The following DPP4 variants were observed in gnomAD, a reference collection of about 807,000 sequenced individuals.
DPP4 encodes the protein dipeptidyl peptidase 4.
A neutral mutation model predicts 122.4 loss-of-function variants in DPP4; 93 were observed. That is an observed-to-expected ratio of 0.76 (90% CI 0.64 to 0.90). The LOEUF is 0.90. Among genes scored for constraint, DPP4 ranks in the 40% least tolerant of loss-of-function variants. The pLI, the probability that DPP4 is intolerant of heterozygous loss-of-function variation, is 0.00. For missense variants in DPP4, 914 were observed against 907.3 expected (o/e 1.01, Z -0.09); for synonymous variants, 321 against 302.9 (o/e 1.06, Z -0.62).
rs562286470 is a variant in DPP4 at position 161,992,521 on chromosome 2, C to T, written c.*762G>A. ...TCTCAGTTTCAAGCTGCCTCTTTCA[C>T]TAGGAACATCAGTATTTTTTTTTAA... On this transcript the variant is annotated 3_prime_UTR_variant, in exon 26 of 26. Coordinates refer to ENST00000360534, the MANE Select transcript of DPP4 (RefSeq NM_001935.4). 6.5e-6 allele frequency: 1 copy of T among 152,758 alleles called. No homozygotes were observed. The highest frequency in any genetic ancestry group is 1.9e-4 in the East Asian group (1 of 5,182). The allele number at this position is 152,758 out of a possible 1,614,324, so 9.5% of individuals were successfully genotyped here.
chr2:162,010,107 CTAAGT>C (rs1219358901), intron 20 of DPP4, among the ~76,000 whole-genome samples: 1 of 151,994 alleles, frequency 6.6e-6, no homozygotes, highest in East Asian at 1.9e-4. Flanking sequence ...CTAGGTTGCC[CTAAGT>C]TAAGCAGTGC....
At chr2:162,010,648 G>A (rs1011194542) in intron 20 of DPP4, among the ~76,000 whole-genome samples, 2 of 152,120 alleles carry the variant, frequency 1.3e-5, no homozygotes, top group Admixed American at 6.6e-5. Context: ...ATAGAGGAGC[G>A]ATCTGGATAG....
At chr2:162,034,058 T>TTTTG (rs1683675509) in intron 9 of DPP4, among the ~76,000 whole-genome samples, 2 of 151,966 alleles carry the variant, frequency 1.3e-5, no homozygotes, top group African/African-American at 4.8e-5. Context: ...CTTTGATGCC[T>TTTTG]GTCAGTATGA....
intron 10 of DPP4, among the ~76,000 whole-genome samples, chr2:162,028,305 T>C (rs1316470426): frequency 6.6e-6 from 1 of 152,092 alleles, no homozygotes; most frequent in African/African-American, 2.4e-5. Context: ...GAGGTTGCAT[T>C]GAGCCGAGAT....
chr2:162,027,540 T>G (rs1325958511), intron 10 of DPP4, among the ~76,000 whole-genome samples: 3 of 152,064 alleles, frequency 2.0e-5, no homozygotes, highest in Non-Finnish European at 2.9e-5. Context: ...GAAAAGCCTC[T>G]CCACTGACAT....
intron 9 of DPP4, among the ~76,000 whole-genome samples, chr2:162,033,862 G>GTATGTATA (rs1553665299): frequency 9.6e-6 from 1 of 104,026 alleles, no homozygotes; most frequent in Admixed American, 1.1e-4. Context: ...CAGAATATGT[G>GTATGTATA]TATATATATA....
intron 2 of DPP4, among the ~76,000 whole-genome samples, chr2:162,065,257 T>C (rs548086379): frequency 1.3e-5 from 2 of 152,342 alleles, no homozygotes; most frequent in South Asian, 2.1e-4. Flanking sequence ...TCCTCCCTGA[T>C]ACAGCAGAAC....
chr2:162,013,496 T>C (rs1288571076), intron 19 of DPP4, among the ~76,000 whole-genome samples: 1 of 152,192 alleles, frequency 6.6e-6, no homozygotes. Context: ...TGTCTGATAC[T>C]AATATCTGGG....
Position 162,019,225 on chromosome 2 carries a change from A to G in DPP4, c.1296T>C (p.Tyr432=), listed in dbSNP as rs768775935. 1.3e-6 allele frequency: 2 copies of G among 1,597,454 alleles called. No individual in the cohort carries two copies. Among genetic ancestry groups the G allele is most frequent in the African/African-American group, 1.3e-5 (1 of 74,372 alleles). The change falls in exon 15 of 26, where the codon TAT becomes TAC. Residue 432 remains tyrosine, a splice_region_variant and synonymous_variant. Coordinates refer to ENST00000360534, the MANE Select transcript of DPP4 (RefSeq NM_001935.4). The part of the protein sequence containing the change: ...YKGMPGGRNL[Y]KIQLSDYTKV... ...CAACAACTTGACAGAGCTCTTACTT[A>G]TAAAGATTCCTTCCTCCTGGCATTC...
Position 162,005,805 on chromosome 2 carries a change from T to G in DPP4, c.1992A>C (p.Ser664=). The change falls in exon 23 of 26, where the codon TCA becomes TCC. Residue 664 remains serine, a synonymous_variant. Transcript: ENST00000360534. ...APVSRWEYYD[S]VYTERYMGLP... ...GACCCATGTAACGTTCTGTGTACAC[T>G]GAGTCTGTGAAAGAAAAAAAAATAA... 1.9e-6 allele frequency: 3 copies of G among 1,612,016 alleles called. No individual in the cohort carries two copies. The highest frequency in any genetic ancestry group is 2.5e-6 in the Non-Finnish European group (3 of 1,179,164).
intron 23 of DPP4, among the ~76,000 whole-genome samples, chr2:162,004,865 A>G (rs142566355): frequency 2.0e-5 from 3 of 152,306 alleles, no homozygotes; most frequent in Admixed American, 2.0e-4. Context: ...TTTCTCTTTA[A>G]TTCACTGTCT....
chr2:162,027,738 G>A (rs1487142202), intron 10 of DPP4, among the ~76,000 whole-genome samples: 1 of 152,096 alleles, frequency 6.6e-6, no homozygotes, highest in Non-Finnish European at 1.5e-5. Flanking sequence ...TAAACATCAG[G>A]TTCAGAAATC....
chr2:162,029,027 A>G (rs555280014), intron 10 of DPP4, among the ~76,000 whole-genome samples: 1 of 152,296 alleles, frequency 6.6e-6, no homozygotes, highest in South Asian at 2.1e-4. Context: ...AAAGTTCCTC[A>G]CTTAAAGAAA....
chr2:162,006,722 G>T (rs1701291422), intron 22 of DPP4, among the ~76,000 whole-genome samples: 1 of 152,042 alleles, frequency 6.6e-6, no homozygotes, highest in African/African-American at 2.4e-5. Context: ...TAAAATATCA[G>T]TAAAAAAATT....
chr2:162,038,862 G>T lies in DPP4; in HGVS notation c.492+87C>A, dbSNP rs991456853. 1.1e-5 allele frequency: 13 copies of T among 1,166,464 alleles called. No homozygotes were observed. The African/African-American group carries it at 1.7e-4, about 15-fold the overall frequency. The allele number at this position is 1,166,464 out of a possible 1,614,324, so 72.3% of individuals were successfully genotyped here. On this transcript the variant is annotated intron_variant, in intron 7 of 25. Transcript: ENST00000360534. The stretch of plus-strand genomic sequence containing the variant: ...CTATAGTGAAGTATTGAGTTCCTAA[G>T]ATGTCTGCTTTGTATCAGGGTTAGT...
intron 18 of DPP4, among the ~76,000 whole-genome samples, chr2:162,015,738 G>GC (rs1682888011): frequency 1.3e-5 from 2 of 152,018 alleles, no homozygotes; most frequent in African/African-American, 4.8e-5. Context: ...TACTAATGTG[G>GC]CTTCCGTGAC....
intron 2 of DPP4, among the ~76,000 whole-genome samples, chr2:162,048,519 C>T (rs1684268217): frequency 6.6e-6 from 1 of 152,186 alleles, no homozygotes; most frequent in African/African-American, 2.4e-5. Context: ...ACGACCGACA[C>T]AAGACTGTCT....
At chr2:162,036,307 T>A (rs1232268295) in intron 8 of DPP4, among the ~76,000 whole-genome samples, 1 of 152,206 alleles carries the variant, frequency 6.6e-6, no homozygotes, top group Non-Finnish European at 1.5e-5. Flanking sequence ...ATGCTTTTTT[T>A]CAACAACAAG....
intron 18 of DPP4, among the ~76,000 whole-genome samples, chr2:162,016,417 T>C (rs1326662588): frequency 6.6e-6 from 1 of 152,238 alleles, no homozygotes; most frequent in Non-Finnish European, 1.5e-5. Context: ...TCAGATATCC[T>C]TGACCTCTTT....
Sources: allele counts gnomAD v4.1 joint callset (sites outside exome capture counted in the v4.1 genomes callset), GRCh38; gene constraint gnomAD v4.1.1; transcripts MANE v1.5; gene names NCBI Gene and HGNC (gene_info 2026-07-23, HGNC 2026-07-21).